The following NSD2 variants were observed in gnomAD, a reference collection of about 807,000 sequenced individuals.
NSD2 encodes nuclear receptor binding SET domain protein 2.
A neutral mutation model predicts 139.0 loss-of-function variants in NSD2; 12 were observed. That is an observed-to-expected ratio of 0.09 (90% CI 0.06 to 0.14). The LOEUF is 0.14. NSD2 is among the 10% of genes least tolerant of loss of function. The probability of loss-of-function intolerance (pLI) is 1.00; values close to 1 mark genes in which losing one functional copy is unlikely to be tolerated. For synonymous variants in NSD2, 669 were observed against 648.7 expected, an observed-to-expected ratio of 1.03 and a Z score of -0.48; for missense variants, 1,155 against 1,745.0, an observed-to-expected ratio of 0.66 and a Z score of 6.02.
intron 1 of NSD2, among the ~76,000 whole-genome samples, chr4:1,874,038 C>T (rs1416588960): frequency 6.6e-6 from 1 of 152,162 alleles, no homozygotes; most frequent in African/African-American, 2.4e-5. Flanking sequence ...CTGCCCTGTC[C>T]TTTTTAGCTG....
rs756311958 is a variant in NSD2, at chr4:1,976,477, C to A, written c.3624C>A (p.Thr1208=). 1 of 1,613,014 alleles carries A rather than the reference C, an allele frequency of 6.2e-7. No individual in the cohort carries two copies. The highest frequency in any genetic ancestry group is 1.7e-5 in the Admixed American group (1 of 59,778). ...CTGTGCTTAATTCTTGACTCTAGAC[C>A]TCGACGACCCTTTCATCAGAGGAAA... The part of the protein sequence containing the change: ...CSGFLGDRPK[T]STTLSSEEKG... The change falls in exon 21 of 22, where the codon ACC becomes ACA. Residue 1208 remains threonine (T), a splice_region_variant and synonymous_variant. Transcript: ENST00000508803. The surrounding 1 kb of genome is among the most constrained non-coding windows in gnomAD (Gnocchi z 5.3).
At chr4:1,882,471 G>A (rs1714773089) in intron 1 of NSD2, among the ~76,000 whole-genome samples, 1 of 152,146 alleles carries the variant, frequency 6.6e-6, no homozygotes, top group Admixed American at 6.5e-5. Flanking sequence ...AGACCATCCT[G>A]GCTAACACGG....
intron 4 of NSD2, 24 bp downstream of exon 4, chr4:1,917,061 C>G: frequency 2.6e-6 from 4 of 1,540,164 alleles, no homozygotes; most frequent in Non-Finnish European, 3.5e-6. Flanking sequence ...CTTCAGTCTA[C>G]TTTTAGACCA....
chr4:1,918,005 TC>T (rs1159465529), intron 4 of NSD2, 135 bp from the exon 5 acceptor site: 1 of 1,067,446 alleles, frequency 9.4e-7, no homozygotes, highest in Non-Finnish European at 1.3e-6. Context: ...GGTCTTAAAC[TC>T]CTGGCCTCAA....
At position 1,953,358 on chromosome 4, in the gene NSD2, G is replaced by C; in HGVS notation, c.2172G>C (p.Lys724Asn). ...IHSCFVCKES[K>N]TDVKRCVVTQ... ...CATGTTTCGTGTGTAAAGAGAGCAAGACAGATGTTAAGCGCTGTGTGGTAA... is the reference window on the plus strand; with the variant it reads ...CATGTTTCGTGTGTAAAGAGAGCAACACAGATGTTAAGCGCTGTGTGGTAA... The change falls in exon 12 of 22, where the codon AAG (lysine) becomes AAC (asparagine). Residue 724 changes from lysine to asparagine, a missense_variant. Lys to Asn is a moderately conservative substitution (Grantham distance 94). This residue lies in a region of NSD2 where 120 missense variants were observed against 239.3 expected (regional missense o/e 0.50). Coordinates refer to ENST00000508803, the MANE Select transcript of NSD2 (RefSeq NM_001042424.3). The C allele has an allele frequency of 4.3e-6, 7 of 1,614,246 alleles. No homozygotes were observed. Among genetic ancestry groups the C allele is most frequent in the Non-Finnish European group, 5.9e-6 (7 of 1,180,044 alleles).
At chr4:1,945,827 T>C in intron 9 of NSD2, 1 of 1,063,780 alleles carries the variant, frequency 9.4e-7, no homozygotes, top group African/African-American at 1.6e-5. Flanking sequence ...CTGGAGAGGC[T>C]CCTGTCTGAT....
Position 1,930,638 on chromosome 4 carries a change from C to T in NSD2, c.1423C>T (p.His475Tyr). Residue 475 changes from histidine (H) to tyrosine (Y), a missense_variant, in exon 6 of 22, where the codon CAC becomes TAC. This residue lies in a region of NSD2 where 420 missense variants were observed against 469.0 expected (regional missense o/e 0.90). Transcript: ENST00000508803. ...CCCGTTCCCACAGGTGGTAGCTGAG[C>T]ACCCAGATGCTTCAGGTGAGGAGAT... ...QKHRDEVVAE[H>Y]PDASGEEIEE... The T allele has an allele frequency of 4.3e-6, 7 of 1,609,396 alleles. No homozygotes were observed. Among genetic ancestry groups the T allele is most frequent in the African/African-American group, 1.3e-5 (1 of 74,880 alleles).
At position 1,938,499 on chromosome 4, in the gene NSD2, A is replaced by G; in HGVS notation, c.1723A>G (p.Met575Val). Residue 575 changes from methionine to valine, a missense_variant, in exon 8 of 22, where the codon ATG becomes GTG. Met to Val is a conservative substitution (Grantham distance 21). Transcript: ENST00000508803. ...GGCCAGAACAAGCTCTTACAAGGCC[A>G]TGGAGGCAGCCTCCTCGCTCAAGAG... ...KTARTSSYKA[M>V]EAASSLKSQA... 2 of 1,406,334 alleles carry G rather than the reference A, an allele frequency of 1.4e-6. No individual in the cohort carries two copies. Among genetic ancestry groups the G allele is most frequent in the Non-Finnish European group, 1.9e-6 (2 of 1,055,464 alleles). 87.1% of individuals were successfully genotyped at this position (1,406,334 alleles called of 1,614,324 possible).
intron 3 of NSD2, among the ~76,000 whole-genome samples, chr4:1,911,073 C>A (rs938283452): frequency 6.6e-6 from 1 of 152,118 alleles, no homozygotes; most frequent in South Asian, 2.1e-4. Context: ...TGGAACTTAA[C>A]AGGCTCCACA....
chr4:1,942,387 C>T lies in NSD2; in HGVS notation c.1881+2609C>T, dbSNP rs1468745983. 1 of 1,613,070 alleles carries T rather than the reference C, an allele frequency of 6.2e-7. No homozygotes were observed. The highest frequency in any genetic ancestry group is 8.5e-7 in the Non-Finnish European group (1 of 1,179,820). On this transcript the variant is annotated intron_variant, in intron 9 of 21. Transcript: ENST00000508803. The surrounding 1 kb of genome is among the most constrained non-coding windows in gnomAD (Gnocchi z 4.0). ...CAAGTTGGATTTGAACCCAGCTGCT[C>T]TGTACTGCACTTAGAATGATGTAAT... is the stretch of plus-strand genomic sequence containing the variant.
intron 18 of NSD2, among the ~76,000 whole-genome samples, chr4:1,966,837 G>A (rs1725942578): frequency 6.6e-6 from 1 of 152,140 alleles, no homozygotes; most frequent in East Asian, 1.9e-4. Flanking sequence ...ACATAAAGAT[G>A]TGATTTTGTG....
At chr4:1,970,789 C>T (rs1029876204) in intron 18 of NSD2, among the ~76,000 whole-genome samples, 5 of 152,096 alleles carry the variant, frequency 3.3e-5, no homozygotes, top group African/African-American at 9.7e-5. Flanking sequence ...CGGGACATTA[C>T]ATGTGGGCAT....
intron 1 of NSD2, among the ~76,000 whole-genome samples, chr4:1,876,448 T>G (rs959590750): frequency 3.9e-5 from 6 of 152,064 alleles, no homozygotes; most frequent in Non-Finnish European, 7.4e-5. Flanking sequence ...TGCAGCACTT[T>G]GGGAGGCTGA....
intron 1 of NSD2, among the ~76,000 whole-genome samples, chr4:1,887,218 C>A (rs1049682048): frequency 1.3e-5 from 2 of 152,144 alleles, no homozygotes; most frequent in Non-Finnish European, 2.9e-5. Flanking sequence ...TATGAGGCTG[C>A]TTGGGCTTCC....
intron 21 of NSD2, among the ~76,000 whole-genome samples, chr4:1,977,507 G>C (rs961388081): frequency 7.9e-5 from 12 of 152,308 alleles, no homozygotes; most frequent in African/African-American, 2.6e-4. Flanking sequence ...CAGGTGCGGG[G>C]GCTCATGCCT....
intron 1 of NSD2, among the ~76,000 whole-genome samples, chr4:1,885,389 T>C (rs776781714): frequency 1.3e-5 from 2 of 152,128 alleles, no homozygotes; most frequent in Non-Finnish European, 2.9e-5. Flanking sequence ...TCAGAAAAAA[T>C]AACAACAGAA....
intron 9 of NSD2, chr4:1,945,668 C>T: frequency 4.7e-6 from 5 of 1,063,864 alleles, no homozygotes; most frequent in Non-Finnish European, 5.7e-6. Context: ...ATAAGCATTT[C>T]CAAATGAGGG....
intron 7 of NSD2, 89 bp from the exon 8 acceptor site, chr4:1,938,362 T>G: frequency 2.5e-6 from 3 of 1,179,674 alleles, no homozygotes; most frequent in Admixed American, 3.4e-5. Flanking sequence ...TTCTTTTCCT[T>G]TTGTTGTTCT....
chr4:1,969,015 G>A (rs1726164095), intron 18 of NSD2, among the ~76,000 whole-genome samples: 1 of 152,240 alleles, frequency 6.6e-6, no homozygotes, highest in African/African-American at 2.4e-5. Context: ...TCCACTGAAA[G>A]TCCAACAGGC....
Sources: gnomAD v4.1 joint callset for allele counts (sites outside exome capture counted in the v4.1 genomes callset) on GRCh38, gnomAD v4.1.1 for gene constraint, gnomAD v4.1.1 regional missense constraint, Gnocchi (gnomAD v3.1) non-coding constraint, MANE v1.5 for transcripts, NCBI Gene and HGNC (gene_info 2026-07-23, HGNC 2026-07-21) for gene names.